SLC3A2: variants seen among roughly 807,000 people sequenced by gnomAD.
SLC3A2 encodes amino acid transporter heavy chain SLC3A2.
SLC3A2 carries 32 observed loss-of-function variants against 48.5 expected under a neutral mutation model. That is an observed-to-expected ratio of 0.66 (90% CI 0.50 to 0.89). The LOEUF is 0.89. SLC3A2 is among the 40% of genes least tolerant of loss of function. The pLI is 0.00. For missense variants in SLC3A2, 587 were observed against 680.7 expected (o/e 0.86, Z 1.53); for synonymous variants, 277 against 288.8 (o/e 0.96, Z 0.41).
At chr11:62,874,417 G>A (rs950252253) in intron 1 of SLC3A2, among the ~76,000 whole-genome samples, 3 of 152,078 alleles carry the variant, frequency 2.0e-5, no homozygotes, top group Non-Finnish European at 4.4e-5. Context: ...ATGGCTTGCT[G>A]CAATGTTTTT....
At chr11:62,886,289 C>CA (rs201054211) in intron 7 of SLC3A2, 29,204 of 132,542 alleles carry the variant, frequency 0.22, 3,169 homozygotes, top group South Asian at 0.39. Flanking sequence ...ACTCCTTCTC[C>CA]AAAAAAAAAA....
chr11:62,877,531 A>T (rs774340183), upstream of SLC3A2, among the ~76,000 whole-genome samples: 6 of 152,390 alleles, frequency 3.9e-5, no homozygotes, highest in Non-Finnish European at 7.3e-5. Flanking sequence ...ACATCCAGAC[A>T]AACAAATGTA....
chr11:62,881,601 T>A lies in SLC3A2; in HGVS notation c.424+154T>A. On this transcript the variant is annotated intron_variant, in intron 1 of 8. Coordinates refer to ENST00000338663, the MANE Select transcript of SLC3A2 (RefSeq NM_001013251.3). The surrounding 1 kb of genome is among the most constrained non-coding windows in gnomAD (Gnocchi z 4.0). ...TTCCCCCACCCCCTCCCCGGCACAT[T>A]GTCCTTCCCTCCTTTCTTTGAAGAA... 1.8e-6 allele frequency: 2 copies of A among 1,099,364 alleles called. No homozygotes were observed. The highest frequency in any genetic ancestry group is 2.5e-6 in the Non-Finnish European group (2 of 797,120). 68.1% of individuals were successfully genotyped at this position (1,099,364 alleles called of 1,614,324 possible). A position where few individuals can be genotyped will look rare whatever the true frequency, so the allele number is the denominator to read the frequency against.
intron 1 of SLC3A2, among the ~76,000 whole-genome samples, chr11:62,870,427 G>A (rs918882242): frequency 1.3e-5 from 2 of 151,176 alleles, no homozygotes; most frequent in African/African-American, 4.9e-5. Flanking sequence ...CTTGTGATCC[G>A]CCCGCCTTGG....
chr11:62,880,702 T>G, upstream of SLC3A2: 1 of 275,274 alleles, frequency 3.6e-6, no homozygotes, highest in Non-Finnish European at 6.9e-6. Flanking sequence ...CAGAATCAGG[T>G]TGAAAAGAAC....
intron 1 of SLC3A2, chr11:62,871,552 A>ATATTAT: frequency 1.6e-6 from 1 of 621,970 alleles, no homozygotes; most frequent in African/African-American, 1.9e-5. Context: ...ACTTTATATA[A>ATATTAT]TATTATTATT....
At chr11:62,873,453 C>T (rs1366323446) in intron 1 of SLC3A2, among the ~76,000 whole-genome samples, 2 of 150,788 alleles carry the variant, frequency 1.3e-5, no homozygotes, top group Non-Finnish European at 3.0e-5. Context: ...CGCACCACTG[C>T]ACACCAGCCA....
chr11:62,873,940 A>G (rs1171483493), intron 1 of SLC3A2, among the ~76,000 whole-genome samples: 1 of 127,816 alleles, frequency 7.8e-6, no homozygotes, highest in African/African-American at 3.0e-5. Flanking sequence ...AGTAGCTGGG[A>G]CCCCAGGTAC....
At chr11:62,885,961 A>G (rs1466117148) in intron 7 of SLC3A2, among the ~76,000 whole-genome samples, 2 of 152,272 alleles carry the variant, frequency 1.3e-5, no homozygotes, top group East Asian at 3.9e-4. Flanking sequence ...AGGAGCTCAT[A>G]GTTTAGTGAG....
At chr11:62,886,623 T>C (rs1590638477) in intron 7 of SLC3A2, 1 of 151,716 alleles carries the variant, frequency 6.6e-6, no homozygotes. Flanking sequence ...AGGTTCTTGC[T>C]CTGTTGATCT....
In SLC3A2 at chr11:62,885,458, C is replaced by A. The variant is rs1453966703; in HGVS notation, c.1000-7C>A. 6.2e-7 allele frequency: 1 copy of A among 1,614,064 alleles called. No homozygotes were observed. The highest frequency in any genetic ancestry group is 1.3e-5 in the African/African-American group (1 of 74,930). ...TATGGGGCTCACTGGAGTGTCTCTCCCTGTAGTTGTCTCAGGCAAGGCTCC... is the reference window on the plus strand; with the variant it reads ...TATGGGGCTCACTGGAGTGTCTCTCACTGTAGTTGTCTCAGGCAAGGCTCC... On this transcript the variant is annotated splice_region_variant and splice_polypyrimidine_tract_variant and intron_variant, in intron 6 of 8. Transcript: ENST00000338663.
upstream of SLC3A2, chr11:62,880,628 C>T: frequency 5.7e-6 from 1 of 174,816 alleles, no homozygotes; most frequent in Admixed American, 5.7e-5. Flanking sequence ...CTGGAGGGGC[C>T]TCGGGATTTG....
intron 1 of SLC3A2, among the ~76,000 whole-genome samples, chr11:62,859,343 C>T (rs1590613617): frequency 6.6e-6 from 1 of 152,098 alleles, no homozygotes; most frequent in Non-Finnish European, 1.5e-5. Context: ...TCAGAGAGCA[C>T]GGGGTTGGGG....
intron 7 of SLC3A2, among the ~76,000 whole-genome samples, chr11:62,887,390 C>G (rs925960393): frequency 2.0e-5 from 3 of 152,074 alleles, no homozygotes; most frequent in African/African-American, 7.2e-5. Context: ...GAGGTGGGAG[C>G]CTGCCTCACT....
chr11:62,860,772 G>A (rs1288043267), intron 1 of SLC3A2, among the ~76,000 whole-genome samples: 1 of 152,198 alleles, frequency 6.6e-6, no homozygotes, highest in Non-Finnish European at 1.5e-5. Context: ...TTGGGCAGAG[G>A]TCCCTGCGGC....
intron 1 of SLC3A2, among the ~76,000 whole-genome samples, chr11:62,865,869 G>C (rs776549512): frequency 6.6e-6 from 1 of 152,010 alleles, no homozygotes; most frequent in African/African-American, 2.4e-5. Flanking sequence ...CCTCTGTTAC[G>C]TGTTGGGAGA....
chr11:62,856,424 TG>T, intron 1 of SLC3A2: 1 of 1,533,270 alleles, frequency 6.5e-7, no homozygotes, highest in Non-Finnish European at 8.9e-7. Context: ...TCCCCTTTGG[TG>T]GGGCCATTTC....
At chr11:62,872,522 C>A (rs934745347) in intron 1 of SLC3A2, among the ~76,000 whole-genome samples, 2 of 152,050 alleles carry the variant, frequency 1.3e-5, no homozygotes, top group African/African-American at 2.4e-5. Flanking sequence ...CTCAAAAAAA[C>A]CCAAGAAACA....
chr11:62,885,533 C>T lies in SLC3A2; in HGVS notation c.1068C>T (p.Leu356=), dbSNP rs1401348267. The T allele has an allele frequency of 1.2e-6, 2 of 1,614,226 alleles. No individual in the cohort carries two copies. The highest frequency in any genetic ancestry group is 1.7e-6 in the Non-Finnish European group (2 of 1,180,044). The change falls in exon 7 of 9, where the codon CTC becomes CTT. Residue 356 remains leucine (L), a synonymous_variant. Transcript: ENST00000338663. Reference sequence around the variant, plus strand: ...TTCTCCGACTCTACCAGCTGATGCTCTTCACCCTGCCAGGGACCCCTGTTT... The same window carrying T: ...TTCTCCGACTCTACCAGCTGATGCTTTTCACCCTGCCAGGGACCCCTGTTT... ...AQLLRLYQLM[L]FTLPGTPVFS...
Sources: gnomAD v4.1 joint callset for allele counts (sites outside exome capture counted in the v4.1 genomes callset) on GRCh38, gnomAD v4.1.1 for gene constraint, Gnocchi (gnomAD v3.1) non-coding constraint, MANE v1.5 for transcripts, NCBI Gene and HGNC (gene_info 2026-07-23, HGNC 2026-07-21) for gene names.